The following FAM81A variants were observed in gnomAD, a reference collection of about 807,000 sequenced individuals.
FAM81A encodes the protein protein FAM81A.
In FAM81A, 19 loss-of-function variants were observed where a neutral mutation model predicts 46.7. That is an observed-to-expected ratio of 0.41 (90% CI 0.28 to 0.60). The LOEUF is 0.60. Ranked by LOEUF, FAM81A falls within the 20% of genes least tolerant of loss-of-function variation. The pLI, the probability that FAM81A is intolerant of heterozygous loss-of-function variation, is 0.34. For missense variants in FAM81A, 377 were observed against 453.5 expected (o/e 0.83, Z 1.53); for synonymous variants, 183 against 152.9 (o/e 1.20, Z -1.45).
intron 1 of FAM81A, among the ~76,000 whole-genome samples, chr15:59,400,060 A>G (rs2081063692): frequency 6.6e-6 from 1 of 152,030 alleles, no homozygotes; most frequent in Non-Finnish European, 1.5e-5. Context: ...ACTTCCTGCC[A>G]TTTTTATCGT....
intron 1 of FAM81A, among the ~76,000 whole-genome samples, chr15:59,442,730 A>G (rs2081313694): frequency 6.6e-6 from 1 of 151,784 alleles, no homozygotes; most frequent in Non-Finnish European, 1.5e-5. Context: ...TTTTTACCAC[A>G]CTTGTTTTAC....
At chr15:59,450,055 T>C (rs1383093344) in intron 1 of FAM81A, among the ~76,000 whole-genome samples, 1 of 150,478 alleles carries the variant, frequency 6.6e-6, no homozygotes, top group Non-Finnish European at 1.5e-5. Flanking sequence ...CCTTGGTAGC[T>C]GGGACAATAG....
upstream of FAM81A, among the ~76,000 whole-genome samples, chr15:59,435,015 T>C (rs987450229): frequency 9.2e-5 from 14 of 152,192 alleles, no homozygotes; most frequent in Non-Finnish European, 1.9e-4. Context: ...TCAGCCGGGC[T>C]TGGTGGCTTA....
At chr15:59,469,715 A>G (rs1418604983) in intron 3 of FAM81A, among the ~76,000 whole-genome samples, 1 of 152,126 alleles carries the variant, frequency 6.6e-6, no homozygotes, top group East Asian at 1.9e-4. Flanking sequence ...GCCCACTTAC[A>G]TTTAAGGTTA....
In FAM81A at chr15:59,463,250, C is replaced by T. The variant is rs146480619; in HGVS notation, c.294+3044C>T. ...TCTCGCTATCTTAGGAAAATCTATC[C>T]TTTTCCCATTTGTCCTTTTGTTGAA... On this transcript the variant is annotated intron_variant, in intron 3 of 8. Transcript: ENST00000288228. 3.4e-4 allele frequency among the ~76,000 whole-genome samples: 51 copies of T among 152,160 alleles called. 1 individual carries two copies. In the East Asian group the frequency reaches 9.3e-3, roughly 28 times the overall value.
At chr15:59,474,852 T>G (rs1229437891) in intron 3 of FAM81A, among the ~76,000 whole-genome samples, 1 of 152,214 alleles carries the variant, frequency 6.6e-6, no homozygotes, top group Non-Finnish European at 1.5e-5. Context: ...AATATGCTCT[T>G]TTCTCTTTTC....
intron 1 of FAM81A, chr15:59,401,149 C>G (rs2081068328): frequency 4.1e-6 from 3 of 736,670 alleles, no homozygotes; most frequent in East Asian, 5.0e-5. Flanking sequence ...TGGTAGTATT[C>G]AGAAACATCA....
At chr15:59,483,512 T>G (rs1265808643) in intron 3 of FAM81A, among the ~76,000 whole-genome samples, 1 of 152,184 alleles carries the variant, frequency 6.6e-6, no homozygotes, top group Non-Finnish European at 1.5e-5. Context: ...AAAATAGAGT[T>G]AAGAAGAGGG....
chr15:59,457,644 CT>C (rs1486732668), intron 1 of FAM81A, among the ~76,000 whole-genome samples: 1 of 152,004 alleles, frequency 6.6e-6, no homozygotes, highest in Non-Finnish European at 1.5e-5. Flanking sequence ...GCATGAATGA[CT>C]TTTTTTTCCT....
At chr15:59,405,704 A>G (rs901779529) in intron 2 of FAM81A, among the ~76,000 whole-genome samples, 1 of 152,036 alleles carries the variant, frequency 6.6e-6, no homozygotes, top group Non-Finnish European at 1.5e-5. Context: ...GTCCCTAAAA[A>G]CTTCAGCATA....
chr15:59,423,937 C>G (rs544844921), intron 2 of FAM81A, among the ~76,000 whole-genome samples: 2 of 152,286 alleles, frequency 1.3e-5, no homozygotes, highest in African/African-American at 4.8e-5. Flanking sequence ...CTTATCTTGA[C>G]CCCACATCAT....
chr15:59,426,681 G>A (rs535813063), intron 2 of FAM81A, among the ~76,000 whole-genome samples: 2 of 152,270 alleles, frequency 1.3e-5, no homozygotes, highest in East Asian at 3.9e-4. Context: ...TGCTTATACT[G>A]ATGTTTCTTC....
intron 2 of FAM81A, among the ~76,000 whole-genome samples, chr15:59,410,632 C>G (rs1197221345): frequency 6.6e-6 from 1 of 152,218 alleles, no homozygotes; most frequent in African/African-American, 2.4e-5. Context: ...ACTCATTAAC[C>G]AGAGAACAGT....
chr15:59,480,664 G>A (rs2081838958), intron 3 of FAM81A, among the ~76,000 whole-genome samples: 1 of 152,126 alleles, frequency 6.6e-6, no homozygotes, highest in South Asian at 2.1e-4. Context: ...AGCTCCCTGA[G>A]GGTATGCCTG....
At chr15:59,519,560 T>TTTCCCTTCCC (rs201182251) in intron 8 of FAM81A, among the ~76,000 whole-genome samples, 2 of 149,246 alleles carry the variant, frequency 1.3e-5, no homozygotes, top group African/African-American at 4.9e-5. Context: ...CTTTCTTTCC[T>TTTCCCTTCCC]TTCCCTTCCC....
At chr15:59,448,992 T>C (rs1157808605) in intron 1 of FAM81A, among the ~76,000 whole-genome samples, 1 of 152,202 alleles carries the variant, frequency 6.6e-6, no homozygotes, top group Admixed American at 6.5e-5. Context: ...TTTGAGTGGA[T>C]GTGCTGTGTT....
intron 8 of FAM81A, among the ~76,000 whole-genome samples, chr15:59,520,695 G>A (rs1243271093): frequency 1.3e-5 from 2 of 151,780 alleles, no homozygotes. Flanking sequence ...CTCCCGAGTA[G>A]CTGGGACTAC....
intron 6 of FAM81A, among the ~76,000 whole-genome samples, 154 bp downstream of exon 6, chr15:59,509,123 T>A (rs1024903654): frequency 1.3e-5 from 2 of 152,248 alleles, no homozygotes; most frequent in Non-Finnish European, 2.9e-5. Context: ...ATGTTGCCAC[T>A]TTTCCTTCAT....
At chr15:59,419,648 C>T (rs1420039424) in intron 2 of FAM81A, among the ~76,000 whole-genome samples, 2 of 152,096 alleles carry the variant, frequency 1.3e-5, no homozygotes, top group African/African-American at 4.8e-5. Flanking sequence ...CCGAGGCGGG[C>T]AGATTGCTTG....
Sources: allele counts gnomAD v4.1 joint callset (sites outside exome capture counted in the v4.1 genomes callset), GRCh38; gene constraint gnomAD v4.1.1; transcripts MANE v1.5; gene names NCBI Gene and HGNC (gene_info 2026-07-23, HGNC 2026-07-21).